TTC13: variants seen among roughly 807,000 people sequenced by gnomAD.
TTC13 encodes the protein tetratricopeptide repeat domain 13.
A neutral mutation model predicts 120.0 loss-of-function variants in TTC13; 62 were observed. The ratio of observed to expected loss-of-function variants is 0.52; its 90% CI spans 0.42 to 0.64. TTC13 has a LOEUF of 0.64. TTC13 is among the 30% of genes least tolerant of loss of function. TTC13 has a pLI of 0.00. For synonymous variants in TTC13, 384 were observed against 393.5 expected, an observed-to-expected ratio of 0.98 and a Z score of 0.28; for missense variants, 824 against 1,050.2, an observed-to-expected ratio of 0.78 and a Z score of 2.98.
intron 10 of TTC13, 75 bp downstream of exon 10, chr1:230,931,661 T>C (rs2102838545): frequency 6.4e-7 from 1 of 1,557,002 alleles, no homozygotes. Context: ...CCCCCTTCTC[T>C]ATTCATTTCA....
chr1:230,945,952 T>C (rs1292522598), intron 4 of TTC13, among the ~76,000 whole-genome samples: 1 of 152,230 alleles, frequency 6.6e-6, no homozygotes, highest in Non-Finnish European at 1.5e-5. Flanking sequence ...CTGAAATCTG[T>C]TGGAGATTAA....
In TTC13 at chr1:230,912,719, C is replaced by T. The variant is rs371491415; in HGVS notation, c.2133G>A (p.Thr711=). The part of the protein sequence containing the change: ...NILFSVETQT[T]EERTQLYHAE... The stretch of plus-strand genomic sequence containing the variant: ...CATGATATAATTGTGTCCTTTCTTC[C>T]GTGGTTTGAGTTTCCACAGAAAATA... Residue 711 remains threonine (T), a synonymous_variant, in exon 19 of 23, where the codon ACG becomes ACA. Transcript: ENST00000366661. The T allele has an allele frequency of 6.2e-6, 10 of 1,611,900 alleles. No individual in the cohort carries two copies. The highest frequency in any genetic ancestry group is 5.3e-5 in the African/African-American group (4 of 74,830).
At chr1:230,908,321 G>C (rs1231577681) in intron 22 of TTC13, 3 of 438,150 alleles carry the variant, frequency 6.8e-6, no homozygotes, top group South Asian at 1.6e-5. Flanking sequence ...CCAAGTACTT[G>C]GGACTACAGG....
intron 4 of TTC13, among the ~76,000 whole-genome samples, chr1:230,950,240 T>A (rs931448691): frequency 2.0e-5 from 3 of 152,066 alleles, no homozygotes; most frequent in Admixed American, 1.3e-4. Context: ...AAAATATTTT[T>A]ATAATATTTA....
intron 1 of TTC13, among the ~76,000 whole-genome samples, chr1:230,962,509 T>C (rs1311273916): frequency 1.3e-5 from 2 of 152,142 alleles, no homozygotes; most frequent in Admixed American, 1.3e-4. Flanking sequence ...GGTGGGAGTG[T>C]AAAATGGTAC....
At chr1:230,954,628 T>C (rs530279318) in intron 3 of TTC13, among the ~76,000 whole-genome samples, 2 of 152,364 alleles carry the variant, frequency 1.3e-5, no homozygotes, top group South Asian at 2.1e-4. Flanking sequence ...TAAAGTCATC[T>C]ATAAAATATC....
intron 1 of TTC13, among the ~76,000 whole-genome samples, chr1:230,974,464 A>G (rs1028023390): frequency 1.9e-4 from 29 of 152,174 alleles, no homozygotes; most frequent in African/African-American, 5.6e-4. Context: ...TAGATACACA[A>G]ACACTTGTCA....
intron 1 of TTC13, among the ~76,000 whole-genome samples, chr1:230,972,476 C>G (rs190209721): frequency 6.6e-6 from 1 of 152,328 alleles, no homozygotes; most frequent in Admixed American, 6.5e-5. Context: ...ATTATTTATT[C>G]TATCTGCAAG....
chr1:230,925,636 TG>T lies in TTC13; in HGVS notation c.1468del (p.His490IlefsTer14). 5 of 1,614,014 alleles carry T rather than the reference TG, an allele frequency of 3.1e-6. No homozygotes were observed. Among genetic ancestry groups the T allele is most frequent in the Non-Finnish European group, 4.2e-6 (5 of 1,179,922 alleles). ...AGGCTTATAACTCTCAAAATTCTGA[TG>T]TAACACATCTCTGGAAGAAACATCA... The part of the protein sequence containing the change: ...GLQPHIKDVL[H>X]QNFESYKPEV... On this transcript the variant is annotated frameshift_variant, in exon 13 of 23. Coordinates refer to ENST00000366661, the MANE Select transcript of TTC13 (RefSeq NM_024525.5). LOFTEE classifies it high-confidence loss of function.
intron 1 of TTC13, among the ~76,000 whole-genome samples, chr1:230,968,194 G>C (rs1214947913): frequency 8.2e-6 from 1 of 122,092 alleles, no homozygotes; most frequent in Non-Finnish European, 1.7e-5. Context: ...TGGGGGGGGG[G>C]CCTTTTTGTT....
intron 14 of TTC13, 23 bp downstream of exon 14, chr1:230,924,818 A>G: frequency 6.2e-7 from 1 of 1,613,936 alleles, no homozygotes; most frequent in Non-Finnish European, 8.5e-7. Flanking sequence ...CTTATAGTTT[A>G]TTTTCACTGA....
At chr1:230,922,300 T>C (rs780481629) in intron 15 of TTC13, among the ~76,000 whole-genome samples, 8 of 152,136 alleles carry the variant, frequency 5.3e-5, no homozygotes, top group Admixed American at 2.6e-4. Context: ...GCTCTTCCTC[T>C]CCAACTCACT....
chr1:230,917,108 C>T (rs1050407064), intron 17 of TTC13, among the ~76,000 whole-genome samples: 1 of 152,082 alleles, frequency 6.6e-6, no homozygotes, highest in Non-Finnish European at 1.5e-5. Flanking sequence ...GTGTCACCAG[C>T]AGCCCAGAAG....
chr1:230,908,839 G>A, intron 21 of TTC13, 48 bp from the exon 22 acceptor site: 1 of 1,606,818 alleles, frequency 6.2e-7, no homozygotes, highest in Non-Finnish European at 8.5e-7. Context: ...GGAGGACACA[G>A]GCTCGGCTGG....
chr1:230,931,611 TTC>T lies in TTC13; in HGVS notation c.1125+123_1125+124del, dbSNP rs1476944616. On this transcript the variant is annotated intron_variant, in intron 10 of 22. Transcript: ENST00000366661. ...TCTACAGGACAAGAGCAATGATTTC[TTC>T]TCTTTCTTTTTGTTGGAGTAGAAAC... 21 of 1,466,704 alleles carry T rather than the reference TTC, an allele frequency of 1.4e-5. No homozygotes were observed. In the African/African-American group the frequency reaches 2.3e-4, roughly 16 times the overall value. 90.9% of individuals were successfully genotyped at this position (1,466,704 alleles called of 1,614,324 possible).
At chr1:230,945,022 T>G (rs373666196) in intron 5 of TTC13, among the ~76,000 whole-genome samples, 343 of 152,322 alleles carry the variant, frequency 2.3e-3, no homozygotes, top group Admixed American at 5.5e-3. Flanking sequence ...AGATAAATTT[T>G]ACATGCCTAA....
At position 230,978,569 on chromosome 1, in the gene TTC13, C is replaced by G. The variant is rs1173875050; in HGVS notation, c.262G>C (p.Glu88Gln). 8.4e-7 allele frequency: 1 copy of G among 1,190,944 alleles called. No homozygotes were observed. The highest frequency in any genetic ancestry group is 1.1e-6 in the Non-Finnish European group (1 of 905,744). 73.8% of individuals were successfully genotyped at this position (1,190,944 alleles called of 1,614,324 possible). The change falls in exon 1 of 23, where the codon GAG (glutamate) becomes CAG (glutamine). Residue 88 changes from glutamate (E) to glutamine (Q), a missense_variant. Transcript: ENST00000366661. This position sits in a 1 kb window ranked among gnomAD's most constrained non-coding sequence, Gnocchi z 5.6. The stretch of plus-strand genomic sequence containing the variant: ...GCCGCCGCCCACTCACCGCCGCACT[C>G]GGCAGAGTACTGGTCCCCCCAGTCC... ...SGDWGDQYSA[E>Q]CGESSFLNFH...
intron 1 of TTC13, among the ~76,000 whole-genome samples, chr1:230,967,525 A>AT (rs1425204254): frequency 6.6e-6 from 1 of 151,940 alleles, no homozygotes; most frequent in Non-Finnish European, 1.5e-5. Flanking sequence ...AACTAATTTA[A>AT]TTTTTTCAAG....
At chr1:230,936,053 T>A in intron 8 of TTC13, 1 of 380,054 alleles carries the variant, frequency 2.6e-6, no homozygotes, top group Non-Finnish European at 5.2e-6. Context: ...CAGGTGGGGA[T>A]GGGGTGGGGC....
Sources: allele counts gnomAD v4.1 joint callset (sites outside exome capture counted in the v4.1 genomes callset), GRCh38; gene constraint gnomAD v4.1.1; non-coding constraint Gnocchi (gnomAD v3.1); transcripts MANE v1.5; gene names NCBI Gene and HGNC (gene_info 2026-07-23, HGNC 2026-07-21).